The following CATSPER3 variants were observed in gnomAD, a reference collection of about 807,000 sequenced individuals.
CATSPER3 encodes the protein cation channel sperm associated 3.
A neutral mutation model predicts 36.6 loss-of-function variants in CATSPER3; 23 were observed. The ratio of observed to expected loss-of-function variants is 0.63; its 90% CI spans 0.45 to 0.89. The LOEUF (loss-of-function observed/expected upper bound fraction) is 0.89, where lower values mean the gene tolerates loss of function less well. Ranked by LOEUF, CATSPER3 falls within the 40% of genes least tolerant of loss-of-function variation. The pLI is 0.00. For synonymous variants in CATSPER3, 172 were observed against 184.1 expected, an observed-to-expected ratio of 0.93 and a Z score of 0.53; for missense variants, 474 against 503.9, an observed-to-expected ratio of 0.94 and a Z score of 0.57.
chr5:134,990,993 A>G (rs536354513), intron 2 of CATSPER3, among the ~76,000 whole-genome samples: 14 of 152,350 alleles, frequency 9.2e-5, no homozygotes, highest in African/African-American at 3.4e-4. Context: ...TTGTATTTCT[A>G]TGCACTATCA....
At chr5:135,009,255 G>A (rs1490616966) in intron 5 of CATSPER3, 116 bp from the exon 6 acceptor site, 10 of 1,164,318 alleles carry the variant, frequency 8.6e-6, no homozygotes, top group Non-Finnish European at 1.3e-5. Flanking sequence ...GCCCTGTGTG[G>A]GGAAAAGTGC....
In CATSPER3 at chr5:134,968,506, C is replaced by T. The variant is rs1267413006; in HGVS notation, c.98+417C>T. ...AGGAGTTTGAGACCAGCCTGGCCAA[C>T]GTGGCGAAACCCCATCTCTACTAAA... On this transcript the variant is annotated intron_variant, in intron 1 of 7. Transcript: ENST00000282611. 3 of 246,022 alleles carry T rather than the reference C, an allele frequency of 1.2e-5. No individual in the cohort carries two copies. The South Asian group carries it at 1.6e-4, about 13-fold the overall frequency. 15.2% of individuals were successfully genotyped at this position (246,022 alleles called of 1,614,324 possible).
intron 2 of CATSPER3, among the ~76,000 whole-genome samples, chr5:134,977,298 A>G (rs1751685908): frequency 6.6e-6 from 1 of 152,216 alleles, no homozygotes; most frequent in Non-Finnish European, 1.5e-5. Context: ...ATCTGATCAT[A>G]GGCTGTTAGA....
intron 2 of CATSPER3, among the ~76,000 whole-genome samples, chr5:134,984,050 T>C (rs1186502783): frequency 6.6e-6 from 1 of 152,200 alleles, no homozygotes; most frequent in Non-Finnish European, 1.5e-5. Context: ...GACACCCTAT[T>C]CAATAAATGG....
In CATSPER3 at chr5:135,009,381, G is replaced by T. The variant is rs1320062562; in HGVS notation, c.827G>T (p.Arg276Ile). 6.2e-7 allele frequency: 1 copy of T among 1,613,608 alleles called. No individual in the cohort carries two copies. Among genetic ancestry groups the T allele is most frequent in the Non-Finnish European group, 8.5e-7 (1 of 1,179,826 alleles). The change falls in exon 6 of 8, where the codon AGA becomes ATA. Residue 276 changes from arginine to isoleucine, a missense_variant. Arg to Ile is a moderately conservative substitution (Grantham distance 97). Coordinates refer to ENST00000282611, the MANE Select transcript of CATSPER3 (RefSeq NM_178019.3). ...CGTCTGACTCTCTAGGACTCCATCA[G>T]AAAGTTTGAGCGAGAGCTGATGTTG... ...VMIMHTEDSIRKFERELMLEQ... is the reference protein window; with the variant it reads ...VMIMHTEDSIIKFERELMLEQ...
At chr5:135,005,785 C>T (rs111786304) in intron 3 of CATSPER3, among the ~76,000 whole-genome samples, 5 of 152,076 alleles carry the variant, frequency 3.3e-5, no homozygotes, top group Non-Finnish European at 4.4e-5. Flanking sequence ...GCATTTCAGC[C>T]GGAAGCAACC....
At chr5:134,989,160 A>G (rs1216033051) in intron 2 of CATSPER3, among the ~76,000 whole-genome samples, 1 of 152,176 alleles carries the variant, frequency 6.6e-6, no homozygotes, top group Admixed American at 6.6e-5. Context: ...GTAAACCGAT[A>G]TGCTGTCATC....
chr5:135,006,875 C>T (rs1219393785), intron 3 of CATSPER3, among the ~76,000 whole-genome samples: 1 of 150,746 alleles, frequency 6.6e-6, no homozygotes, highest in Non-Finnish European at 1.5e-5. Context: ...ATAATAAAAT[C>T]TCAGCTGTTT....
intron 3 of CATSPER3, among the ~76,000 whole-genome samples, chr5:134,998,017 C>T (rs1431294740): frequency 1.3e-5 from 2 of 152,170 alleles, no homozygotes; most frequent in East Asian, 3.9e-4. Context: ...TGGTGTGCTG[C>T]ACCCATTAAC....
At chr5:135,001,246 C>T (rs186365734) in intron 3 of CATSPER3, among the ~76,000 whole-genome samples, 58 of 152,220 alleles carry the variant, frequency 3.8e-4, no homozygotes, top group African/African-American at 1.3e-3. Flanking sequence ...TGTAGTTGAG[C>T]GGTTTTGAGT....
Position 135,010,381 on chromosome 5 carries a change from T to G in CATSPER3, c.945T>G (p.Ala315=). ...ISRLMHIQKN[A]DCTSFSELVE... The stretch of plus-strand genomic sequence containing the variant: ...TATGCTTTCCTCTCTAGAAAAATGC[T>G]GACTGCACAAGTTTCAGTGAGCTGG... Residue 315 remains alanine, a synonymous_variant, in exon 7 of 8, where the codon GCT becomes GCG. Transcript: ENST00000282611. 1 of 1,614,094 alleles carries G rather than the reference T, an allele frequency of 6.2e-7. No homozygotes were observed. The highest frequency in any genetic ancestry group is 8.5e-7 in the Non-Finnish European group (1 of 1,179,904).
chr5:134,976,693 C>G (rs1463023272), intron 2 of CATSPER3, among the ~76,000 whole-genome samples: 1 of 152,240 alleles, frequency 6.6e-6, no homozygotes, highest in African/African-American at 2.4e-5. Context: ...AGTAAAGGTT[C>G]TCTGTGAGGA....
chr5:135,008,630 G>A (rs1273701547), intron 4 of CATSPER3, among the ~76,000 whole-genome samples: 1 of 152,206 alleles, frequency 6.6e-6, no homozygotes, highest in South Asian at 2.1e-4. Context: ...CTCGAGGCAT[G>A]TTGGTCAATA....
rs748714097 is a variant in CATSPER3 at position 134,996,522 on chromosome 5, C to G, written c.492+10C>G. 5 of 1,613,434 alleles carry G rather than the reference C, an allele frequency of 3.1e-6. No homozygotes were observed. Among genetic ancestry groups the G allele is most frequent in the Admixed American group, 3.3e-5 (2 of 60,010 alleles). ...TAGCCAGGGCATCCGGGTGAGTGCA[C>G]TGGGGGTGTCATGGTGCTGGGAGGG... is the stretch of plus-strand genomic sequence containing the variant. On this transcript the variant is annotated intron_variant, in intron 3 of 7. Transcript: ENST00000282611.
chr5:135,010,206 G>A (rs187008705), intron 6 of CATSPER3, among the ~76,000 whole-genome samples, 167 bp from the exon 7 acceptor site: 94 of 152,328 alleles, frequency 6.2e-4, no homozygotes, highest in African/African-American at 2.2e-3. Context: ...TCACCCCGGA[G>A]TCCAGGTTCA....
intron 3 of CATSPER3, among the ~76,000 whole-genome samples, chr5:135,002,621 T>C (rs1390526426): frequency 6.6e-6 from 1 of 152,244 alleles, no homozygotes; most frequent in Non-Finnish European, 1.5e-5. Flanking sequence ...AGGTTTGGTC[T>C]TTTCACATAG....
In CATSPER3 at chr5:134,995,110, G is replaced by A. The variant is rs530694834; in HGVS notation, c.253-1163G>A. 3.2e-4 allele frequency among the ~76,000 whole-genome samples: 48 copies of A among 150,918 alleles called. 1 individual carries two copies. The South Asian group carries it at 9.8e-3, about 31-fold the overall frequency. On this transcript the variant is annotated intron_variant, in intron 2 of 7. Coordinates refer to ENST00000282611, the MANE Select transcript of CATSPER3 (RefSeq NM_178019.3). The stretch of plus-strand genomic sequence containing the variant: ...TTCATATAATCAAATCAGGATAATT[G>A]CCTTAAATATTTATCTTTTTCTTGT...
chr5:134,975,605 G>A (rs1313728995), intron 2 of CATSPER3, among the ~76,000 whole-genome samples: 8 of 152,122 alleles, frequency 5.3e-5, no homozygotes, highest in Admixed American at 3.3e-4. Context: ...AGAGTGAGAC[G>A]TTGTCTCTTA....
chr5:134,989,566 C>T (rs538112389), intron 2 of CATSPER3, among the ~76,000 whole-genome samples: 3 of 152,226 alleles, frequency 2.0e-5, no homozygotes, highest in South Asian at 4.1e-4. Flanking sequence ...CCAACCTCTG[C>T]TAGCTTTCAG....
Sources: gnomAD v4.1 joint callset for allele counts (sites outside exome capture counted in the v4.1 genomes callset) on GRCh38, gnomAD v4.1.1 for gene constraint, MANE v1.5 for transcripts, NCBI Gene and HGNC (gene_info 2026-07-23, HGNC 2026-07-21) for gene names.